Variants in KCNIP4 observed in about 807,000 individuals in gnomAD.
The protein encoded by KCNIP4 is Kv channel-interacting protein 4.
A neutral mutation model predicts 34.0 loss-of-function variants in KCNIP4; 12 were observed. The observed-to-expected ratio is 0.35, with a 90% CI of 0.23 to 0.57. The LOEUF (loss-of-function observed/expected upper bound fraction) is 0.57, where lower values mean the gene tolerates loss of function less well. Among genes scored for constraint, KCNIP4 ranks in the 20% least tolerant of loss-of-function variants. The probability of loss-of-function intolerance (pLI) is 0.83; values close to 1 mark genes in which losing one functional copy is unlikely to be tolerated. For missense variants in KCNIP4, 238 were observed against 311.7 expected (o/e 0.76, Z 1.78); for synonymous variants, 124 against 102.2 (o/e 1.21, Z -1.29).
At chr4:21,040,714 T>C (rs1284227861) in intron 1 of KCNIP4, among the ~76,000 whole-genome samples, 1 of 152,064 alleles carries the variant, frequency 6.6e-6, no homozygotes, top group Admixed American at 6.5e-5. Context: ...CAGCCTTGAC[T>C]AAATCACAAG....
chr4:21,809,579 C>A (rs1721501750), intron 1 of KCNIP4, among the ~76,000 whole-genome samples: 1 of 152,164 alleles, frequency 6.6e-6, no homozygotes, highest in African/African-American at 2.4e-5. Flanking sequence ...GGTATCTCAT[C>A]TTTCCAGGCT....
intron 1 of KCNIP4, among the ~76,000 whole-genome samples, chr4:20,969,547 C>CGCGT (rs1560610106): frequency 7.5e-6 from 1 of 133,206 alleles, no homozygotes; most frequent in African/African-American, 4.1e-5. Flanking sequence ...AAATTTGCTG[C>CGCGT]GTGTGTGTTT....
intron 1 of KCNIP4, among the ~76,000 whole-genome samples, chr4:21,901,933 A>G (rs1256607487): frequency 2.0e-5 from 3 of 152,196 alleles, no homozygotes; most frequent in Non-Finnish European, 4.4e-5. Context: ...AAAAAGTGTC[A>G]TGGAATTCCT....
At chr4:21,389,549 G>C (rs984067564) in intron 1 of KCNIP4, among the ~76,000 whole-genome samples, 2 of 146,646 alleles carry the variant, frequency 1.4e-5, no homozygotes, top group Admixed American at 7.1e-5. Context: ...GAGAACATGC[G>C]GTGTTTGGTT....
rs376741978 is a variant in KCNIP4 at position 21,634,223 on chromosome 4, C to CAAAAAAAAAAAAAAAAA, written c.61+314331_61+314347dup. Among the ~76,000 whole-genome samples the CAAAAAAAAAAAAAAAAA allele has an allele frequency of 2.7e-5, 3 of 112,486 alleles. No homozygotes were observed. The South Asian group carries it at 1.0e-3, about 38-fold the overall frequency. 73.8% of individuals were successfully genotyped at this position (112,486 alleles called of 152,430 possible). A position where few individuals can be genotyped will look rare whatever the true frequency, so the allele number is the denominator to read the frequency against. On this transcript the variant is annotated intron_variant, in intron 1 of 8. Coordinates refer to ENST00000382152, the MANE Select transcript of KCNIP4 (RefSeq NM_025221.6). Reference sequence around the variant, plus strand: ...TTAGGAAAGCTACGGGTTCTTTCCTCAAAAAAAAAAAAAAAAAAAAAAAAC... The same window carrying CAAAAAAAAAAAAAAAAA: ...TTAGGAAAGCTACGGGTTCTTTCCTCAAAAAAAAAAAAAAAAAAAAAAAAAAAAAAAAAAAAAAAAAC...
chr4:21,543,596 AAT>A (rs1357334678), intron 1 of KCNIP4, among the ~76,000 whole-genome samples: 2 of 152,154 alleles, frequency 1.3e-5, no homozygotes, highest in African/African-American at 4.8e-5. Flanking sequence ...CAGCTGTGAA[AAT>A]AAGTAATTCA....
chr4:21,913,016 G>A (rs1321982144), intron 1 of KCNIP4, among the ~76,000 whole-genome samples: 2 of 151,954 alleles, frequency 1.3e-5, no homozygotes. Flanking sequence ...TGGTGGGTTA[G>A]ACCATCTACT....
At chr4:21,615,621 A>T (rs1744541613) in intron 1 of KCNIP4, among the ~76,000 whole-genome samples, 1 of 152,182 alleles carries the variant, frequency 6.6e-6, no homozygotes, top group South Asian at 2.1e-4. Flanking sequence ...TGAAACAGAC[A>T]AAACCTGAAA....
chr4:21,919,707 T>A (rs893138597), intron 1 of KCNIP4, among the ~76,000 whole-genome samples: 2 of 152,146 alleles, frequency 1.3e-5, no homozygotes, highest in Admixed American at 1.3e-4. Context: ...AAAGGAGACC[T>A]AAGGGTGAGA....
At chr4:21,785,282 T>A (rs964422969) in intron 1 of KCNIP4, among the ~76,000 whole-genome samples, 1 of 151,558 alleles carries the variant, frequency 6.6e-6, no homozygotes, top group African/African-American at 2.4e-5. Context: ...TTAGAACATT[T>A]ATATCACTTC....
rs143972312 is a variant in KCNIP4 at position 21,792,571 on chromosome 4, G to A, written c.61+156000C>T. The stretch of plus-strand genomic sequence containing the variant: ...AAGTTTGCAAAACTCACTAGATGGA[G>A]AATAAGCATAACAGAAGCCTGGCAC... On this transcript the variant is annotated intron_variant, in intron 1 of 8. Coordinates refer to ENST00000382152, the MANE Select transcript of KCNIP4 (RefSeq NM_025221.6). Among the ~76,000 whole-genome samples the A allele has an allele frequency of 8.4e-3, 1,285 of 152,320 alleles. 14 individuals are homozygous for A. The highest frequency in any genetic ancestry group is 0.028 in the South Asian group (135 of 4,830).
intron 1 of KCNIP4, among the ~76,000 whole-genome samples, chr4:21,795,206 T>C (rs1720542486): frequency 6.6e-6 from 1 of 152,082 alleles, no homozygotes; most frequent in Non-Finnish European, 1.5e-5. Context: ...AATTAGGACA[T>C]GTAAGTAGAC....
intron 1 of KCNIP4, among the ~76,000 whole-genome samples, chr4:21,794,053 C>A (rs1442927607): frequency 6.6e-6 from 1 of 152,102 alleles, no homozygotes; most frequent in African/African-American, 2.4e-5. Context: ...TGTTCTCACT[C>A]ATAGGTGGGA....
chr4:21,474,843 A>T (rs151122440), intron 1 of KCNIP4, among the ~76,000 whole-genome samples: 17,850 of 148,942 alleles, frequency 0.12, 1,218 homozygotes, highest in South Asian at 0.18. Flanking sequence ...AAAAATAATA[A>T]AAAAAAAATT....
intron 1 of KCNIP4, among the ~76,000 whole-genome samples, chr4:21,504,475 A>AAAAAAGAAAG (rs1264431211): frequency 8.7e-4 from 89 of 101,866 alleles, no homozygotes; most frequent in Non-Finnish European, 1.4e-3. Flanking sequence ...CAAAAAAAAA[A>AAAAAAGAAAG]AAAGAAAGAA....
chr4:20,884,968 C>T (rs573035209), intron 1 of KCNIP4, among the ~76,000 whole-genome samples: 2 of 152,144 alleles, frequency 1.3e-5, no homozygotes, highest in Admixed American at 6.5e-5. Context: ...GCCAAAGTGC[C>T]AGGATTACAG....
intron 1 of KCNIP4, among the ~76,000 whole-genome samples, chr4:21,610,124 A>G (rs1046188424): frequency 2.0e-5 from 3 of 152,260 alleles, no homozygotes; most frequent in African/African-American, 7.2e-5. Flanking sequence ...AGGTTATAAC[A>G]GGTCATGCCC....
At chr4:21,107,773 G>A (rs1364704018) in intron 1 of KCNIP4, among the ~76,000 whole-genome samples, 1 of 151,380 alleles carries the variant, frequency 6.6e-6, no homozygotes, top group East Asian at 1.9e-4. Context: ...CTTCCTTCAG[G>A]AGCTCTTTTA....
At chr4:21,698,916 A>C (rs986422287) in intron 1 of KCNIP4, among the ~76,000 whole-genome samples, 7 of 152,192 alleles carry the variant, frequency 4.6e-5, no homozygotes, top group Non-Finnish European at 8.8e-5. Flanking sequence ...CATTCCCACC[A>C]GTCTCAGGGT....
Sources: gnomAD v4.1 joint callset for allele counts (sites outside exome capture counted in the v4.1 genomes callset) on GRCh38, gnomAD v4.1.1 for gene constraint, MANE v1.5 for transcripts, NCBI Gene and HGNC (gene_info 2026-07-23, HGNC 2026-07-21) for gene names.